The following PHLDB3 variants were observed in gnomAD, a reference collection of about 807,000 sequenced individuals.
PHLDB3 encodes pleckstrin homology-like domain family B member 3.
PHLDB3 carries 86 observed loss-of-function variants against 85.7 expected under a neutral mutation model. The ratio of observed to expected loss-of-function variants is 1.00; its 90% CI spans 0.84 to 1.20. The LOEUF (loss-of-function observed/expected upper bound fraction) is 1.20, where lower values mean the gene tolerates loss of function less well. Among genes scored for constraint, PHLDB3 ranks in the 50% most tolerant of loss-of-function variants. PHLDB3 has a pLI of 0.00. For synonymous variants in PHLDB3, 376 were observed against 349.8 expected (o/e 1.07, Z -0.83); for missense variants, 995 against 873.0 (o/e 1.14, Z -1.76).
intron 9 of PHLDB3, among the ~76,000 whole-genome samples, chr19:43,492,600 G>A (rs1293741141): frequency 7.0e-6 from 1 of 142,426 alleles, no homozygotes; most frequent in Non-Finnish European, 1.5e-5. Flanking sequence ...ACTCTGGCCT[G>A]GGTGACAGAG....
rs573731378 is a variant in PHLDB3, at chr19:43,501,569, G to A, written c.534+165C>T. ...AGCCCCAAAAATCTCGCCCAGGGAG[G>A]GAGAAGGAAAACCAGGAGGGGCATC... On this transcript the variant is annotated intron_variant, in intron 4 of 15. Coordinates refer to ENST00000292140, the MANE Select transcript of PHLDB3 (RefSeq NM_198850.4). 6.0e-6 allele frequency: 8 copies of A among 1,330,500 alleles called. No homozygotes were observed. The South Asian group carries it at 9.2e-5, about 15-fold the overall frequency. The allele number at this position is 1,330,500 out of a possible 1,614,324, so 82.4% of individuals were successfully genotyped here.
intron 4 of PHLDB3, among the ~76,000 whole-genome samples, chr19:43,500,909 A>ACCCCCCCCC (rs1248570317): frequency 1.7e-4 from 3 of 17,152 alleles, no homozygotes; most frequent in African/African-American, 3.6e-4. Flanking sequence ...CGCCCCCCGT[A>ACCCCCCCCC]CCCCCCCCCC....
At chr19:43,494,565 C>T (rs1599951342) in intron 9 of PHLDB3, 137 bp downstream of exon 9, 2 of 669,148 alleles carry the variant, frequency 3.0e-6, no homozygotes, top group East Asian at 2.8e-5. Flanking sequence ...GGCCAACCTT[C>T]CCTATCCCCC....
At chr19:43,501,911 G>A (rs755801399) in intron 3 of PHLDB3, 40 bp from the exon 4 acceptor site, 3 of 1,545,740 alleles carry the variant, frequency 1.9e-6, no homozygotes, top group African/African-American at 1.4e-5. Context: ...CGGACGCCTA[G>A]GTCCAAGGAA....
intron 15 of PHLDB3, among the ~76,000 whole-genome samples, chr19:43,476,038 G>A (rs746830430): frequency 1.4e-4 from 21 of 152,068 alleles, no homozygotes; most frequent in Non-Finnish European, 3.1e-4. Context: ...CTCGTGATCC[G>A]CCTGCTTCGG....
chr19:43,485,202 T>C (rs918276955), intron 13 of PHLDB3, among the ~76,000 whole-genome samples: 1 of 151,586 alleles, frequency 6.6e-6, no homozygotes, highest in African/African-American at 2.4e-5. Flanking sequence ...AATATTTCTA[T>C]CGTAAAAAGG....
At chr19:43,489,065 G>A (rs1971251349) in intron 9 of PHLDB3, among the ~76,000 whole-genome samples, 1 of 152,144 alleles carries the variant, frequency 6.6e-6, no homozygotes, top group African/African-American at 2.4e-5. Context: ...CTCCCAAAGT[G>A]CTGGGATTAC....
At chr19:43,490,844 G>A (rs992892463) in intron 9 of PHLDB3, among the ~76,000 whole-genome samples, 1 of 152,204 alleles carries the variant, frequency 6.6e-6, no homozygotes, top group Non-Finnish European at 1.5e-5. Flanking sequence ...TCCCAGCTCT[G>A]CCACTTCCTG....
At chr19:43,478,941 A>C (rs891909418) in intron 14 of PHLDB3, among the ~76,000 whole-genome samples, 3 of 151,664 alleles carry the variant, frequency 2.0e-5, no homozygotes, top group African/African-American at 7.3e-5. Flanking sequence ...AAACAAAAAC[A>C]AAAAAAAGTG....
chr19:43,502,614 CTTTTTT>C (rs71336869), intron 2 of PHLDB3, among the ~76,000 whole-genome samples: 1 of 114,796 alleles, frequency 8.7e-6, no homozygotes. Context: ...ACGCCAAGCT[CTTTTTT>C]TTTTTTTTTT....
intron 9 of PHLDB3, among the ~76,000 whole-genome samples, chr19:43,491,959 G>GTT (rs1351953086): frequency 1.7e-4 from 11 of 63,092 alleles, no homozygotes; most frequent in East Asian, 4.8e-4. Flanking sequence ...TTTTTTTTTT[G>GTT]TTTTTTTTTT....
intron 9 of PHLDB3, among the ~76,000 whole-genome samples, chr19:43,491,668 A>ATT (rs34859142): frequency 0.21 from 29,281 of 138,958 alleles, 3,142 homozygotes; most frequent in Non-Finnish European, 0.23. Context: ...CACCCAGCTA[A>ATT]TTTTTTTTTT....
intron 9 of PHLDB3, among the ~76,000 whole-genome samples, chr19:43,489,721 G>C (rs540885511): frequency 1.7e-4 from 26 of 151,912 alleles, no homozygotes; most frequent in Non-Finnish European, 1.2e-4. Context: ...AAAAACACTG[G>C]TGGGGCCAGG....
rs1971476845 is a variant in PHLDB3, at chr19:43,497,134, C to T, written c.809G>A (p.Ser270Asn). The T allele has an allele frequency of 6.5e-7, 1 of 1,537,888 alleles. No individual in the cohort carries two copies. The highest frequency in any genetic ancestry group is 8.7e-7 in the Non-Finnish European group (1 of 1,147,258). The change falls in exon 6 of 16, where the codon AGC becomes AAC. Residue 270 changes from serine to asparagine, a missense_variant. Ser to Asn is a conservative substitution (Grantham distance 46). Coordinates refer to ENST00000292140, the MANE Select transcript of PHLDB3 (RefSeq NM_198850.4). ...ATGACTCACTCTGTGCTGCGCCATGCTGGCCTGGAGTTCCTGGACCTTGGG... is the reference window on the plus strand; with the variant it reads ...ATGACTCACTCTGTGCTGCGCCATGTTGGCCTGGAGTTCCTGGACCTTGGG... ...PDPKVQELQA[S>N]MAQHRRGALQ...
intron 9 of PHLDB3, among the ~76,000 whole-genome samples, chr19:43,490,722 C>G (rs1010697201): frequency 2.0e-5 from 3 of 152,142 alleles, no homozygotes; most frequent in African/African-American, 7.2e-5. Context: ...ATACTTGGCA[C>G]TGAGGAACCA....
intron 5 of PHLDB3, among the ~76,000 whole-genome samples, 174 bp from the exon 6 acceptor site, chr19:43,497,453 G>A (rs1261844763): frequency 1.3e-5 from 2 of 152,106 alleles, no homozygotes; most frequent in African/African-American, 4.8e-5. Context: ...AGTGGCTCAC[G>A]CCTGTAATCC....
At chr19:43,491,668 ATT>A (rs34859142) in intron 9 of PHLDB3, among the ~76,000 whole-genome samples, 16 of 138,972 alleles carry the variant, frequency 1.2e-4, no homozygotes, top group Admixed American at 1.5e-4. Context: ...CACCCAGCTA[ATT>A]TTTTTTTTTT....
At position 43,502,266 on chromosome 19, in the gene PHLDB3, C is replaced by T. The variant is rs1380548426; in HGVS notation, c.231G>A (p.Pro77=). ...CGGGAGGTGTGGCCGCCATAGCTAT[C>T]GGAGGCGTAGCCTCGGGCTGAAGTT... The part of the protein sequence containing the change: ...SSRDAPEATP[P]IAMAATPPAS... The change falls in exon 3 of 16, where the codon CCG becomes CCA. Residue 77 remains proline, a synonymous_variant. Coordinates refer to ENST00000292140, the MANE Select transcript of PHLDB3 (RefSeq NM_198850.4). The T allele has an allele frequency of 1.3e-6, 2 of 1,561,488 alleles. No individual in the cohort carries two copies. Among genetic ancestry groups the T allele is most frequent in the Non-Finnish European group, 1.7e-6 (2 of 1,157,102 alleles).
intron 9 of PHLDB3, among the ~76,000 whole-genome samples, chr19:43,489,684 G>T (rs561396065): frequency 6.6e-6 from 1 of 150,404 alleles, no homozygotes; most frequent in East Asian, 1.9e-4. Flanking sequence ...AAAAAAGTTT[G>T]TTTTTTTTTG....
Sources: allele counts gnomAD v4.1 joint callset (sites outside exome capture counted in the v4.1 genomes callset), GRCh38; gene constraint gnomAD v4.1.1; transcripts MANE v1.5; gene names NCBI Gene and HGNC (gene_info 2026-07-23, HGNC 2026-07-21).